SAMD5: variants seen among roughly 807,000 people sequenced by gnomAD.
The protein encoded by SAMD5 is sterile alpha motif domain-containing protein 5.
A neutral mutation model predicts 11.3 loss-of-function variants in SAMD5; 13 were observed. That is an observed-to-expected ratio of 1.15 (90% CI 0.75 to 1.83). The LOEUF is 1.83. Ranked by LOEUF, SAMD5 falls within the 40% of genes most tolerant of loss-of-function variation. SAMD5 has a pLI of 0.00. For missense variants in SAMD5, 255 were observed against 239.1 expected (o/e 1.07, Z -0.44); for synonymous variants, 129 against 111.3 (o/e 1.16, Z -1.00).
At chr6:147,887,947 A>G in the SAMD5 span, among the ~76,000 whole-genome samples, 1 of 152,166 alleles carries the variant, frequency 6.6e-6, no homozygotes, top group East Asian at 1.9e-4. Flanking sequence ...TCATGTTCTT[A>G]TTTTACCACA....
At chr6:147,689,016 G>A (rs1791060837) in intron 1 of SAMD5, among the ~76,000 whole-genome samples, 1 of 152,192 alleles carries the variant, frequency 6.6e-6, no homozygotes, top group Non-Finnish European at 1.5e-5. Context: ...AGTAGTGGAA[G>A]TATGTGTTTC....
chr6:147,952,316 A>G, the SAMD5 span, among the ~76,000 whole-genome samples: 1 of 152,224 alleles, frequency 6.6e-6, no homozygotes, highest in Admixed American at 6.5e-5. Context: ...CCTTCCCCCA[A>G]AATAATTGTT....
intron 1 of SAMD5, among the ~76,000 whole-genome samples, chr6:147,709,632 C>A (rs1791370123): frequency 6.6e-6 from 1 of 152,128 alleles, no homozygotes; most frequent in Admixed American, 6.5e-5. Flanking sequence ...TACCATGAGT[C>A]ACAAAGGAAA....
chr6:147,760,252 C>G, the SAMD5 span, among the ~76,000 whole-genome samples: 44 of 152,268 alleles, frequency 2.9e-4, no homozygotes, highest in South Asian at 6.2e-4. Flanking sequence ...CTACCACCAT[C>G]TGCCGAGCCG....
At chr6:147,716,140 T>C (rs1318833538) in intron 1 of SAMD5, among the ~76,000 whole-genome samples, 1 of 152,088 alleles carries the variant, frequency 6.6e-6, no homozygotes, top group Non-Finnish European at 1.5e-5. Context: ...GCTGTTCCTG[T>C]CAAAGGGTGC....
At chr6:147,759,588 ATATT>A in the SAMD5 span, among the ~76,000 whole-genome samples, 9 of 150,004 alleles carry the variant, frequency 6.0e-5, no homozygotes, top group African/African-American at 9.7e-5. Context: ...TTATTTTTAT[ATATT>A]TATTATATAT....
At chr6:147,910,075 TC>T in the SAMD5 span, among the ~76,000 whole-genome samples, 2 of 152,126 alleles carry the variant, frequency 1.3e-5, no homozygotes, top group Non-Finnish European at 2.9e-5. Context: ...GAAATTATCA[TC>T]TAATCCCTCA....
chr6:147,656,957 T>C (rs1303696597), intron 1 of SAMD5, among the ~76,000 whole-genome samples: 3 of 151,270 alleles, frequency 2.0e-5, no homozygotes, highest in Non-Finnish European at 2.9e-5. Context: ...TCATTGTTCA[T>C]TGAAGCATTT....
chr6:147,790,873 G>T, the SAMD5 span, among the ~76,000 whole-genome samples: 1 of 144,524 alleles, frequency 6.9e-6, no homozygotes, highest in Non-Finnish European at 1.5e-5. Context: ...CTTTTCATCT[G>T]CTTCCTTGGA....
chr6:147,878,587 A>G, the SAMD5 span, among the ~76,000 whole-genome samples: 1 of 146,606 alleles, frequency 6.8e-6, no homozygotes, highest in Non-Finnish European at 1.5e-5. Context: ...CTCTATATAG[A>G]TATATATACA....
chr6:147,845,523 G>A, the SAMD5 span, among the ~76,000 whole-genome samples: 1 of 151,956 alleles, frequency 6.6e-6, no homozygotes, highest in African/African-American at 2.4e-5. Flanking sequence ...CCTACATAAA[G>A]AACTCTCAAA....
At chr6:147,526,345 T>C (rs1273038715) in intron 1 of SAMD5, among the ~76,000 whole-genome samples, 1 of 152,206 alleles carries the variant, frequency 6.6e-6, no homozygotes, top group African/African-American at 2.4e-5. Flanking sequence ...ATGCGGGGAA[T>C]TCAAAGGTGA....
chr6:147,916,821 C>T, the SAMD5 span, among the ~76,000 whole-genome samples: 1 of 149,402 alleles, frequency 6.7e-6, no homozygotes, highest in Non-Finnish European at 1.5e-5. Context: ...GTTTTTTGTT[C>T]TTGCAATAGT....
At chr6:147,862,861 G>GT in the SAMD5 span, among the ~76,000 whole-genome samples, 70 of 151,006 alleles carry the variant, frequency 4.6e-4, 1 homozygote, top group Middle Eastern at 3.4e-3. Context: ...TAGAAAGGAG[G>GT]TTTTTTTTTG....
intron 1 of SAMD5, among the ~76,000 whole-genome samples, chr6:147,715,939 T>C (rs1358416027): frequency 1.3e-5 from 2 of 152,154 alleles, no homozygotes; most frequent in Non-Finnish European, 1.5e-5. Flanking sequence ...AAGTACGTGC[T>C]GATTGGTCCA....
rs577531858 is a variant in SAMD5, at chr6:147,567,417, T to C, written c.*2961T>C. On this transcript the variant is annotated 3_prime_UTR_variant, in exon 2 of 2. Transcript: ENST00000367474. ...GATCTGAGTTTAAATTCTAAAATTA[T>C]TCTAGTAGTATTTTCCTGCGGTGAA... The C allele has an allele frequency of 5.2e-5, 51 of 984,702 alleles. No homozygotes were observed. The African/African-American group carries it at 8.4e-4, about 16-fold the overall frequency. 61.0% of individuals were successfully genotyped at this position (984,702 alleles called of 1,614,324 possible).
intron 1 of SAMD5, chr6:147,733,592 G>T (rs190954936): frequency 1.1e-4 from 17 of 153,846 alleles, no homozygotes; most frequent in Non-Finnish European, 2.3e-4. Context: ...AAAGTCAAGG[G>T]GTAATCCATT....
chr6:147,710,084 G>C (rs1791375651), intron 1 of SAMD5, among the ~76,000 whole-genome samples: 1 of 152,158 alleles, frequency 6.6e-6, no homozygotes, highest in Non-Finnish European at 1.5e-5. Flanking sequence ...AGAAATACCT[G>C]CAGTTGCAGG....
the SAMD5 span, among the ~76,000 whole-genome samples, chr6:147,876,834 A>G: frequency 6.6e-6 from 1 of 152,204 alleles, no homozygotes; most frequent in African/African-American, 2.4e-5. Flanking sequence ...TCAAATAGCT[A>G]TTTCAGCCAG....
Sources: gnomAD v4.1 joint callset for allele counts (sites outside exome capture counted in the v4.1 genomes callset) on GRCh38, gnomAD v4.1.1 for gene constraint, MANE v1.5 for transcripts, NCBI Gene and HGNC (gene_info 2026-07-23, HGNC 2026-07-21) for gene names.